Variants in ARHGAP6 observed in about 807,000 individuals in gnomAD.
ARHGAP6 encodes the protein rho GTPase-activating protein 6.
Under a neutral mutation model 55.7 loss-of-function variants are expected in ARHGAP6, and 16 were observed. The ratio of observed to expected loss-of-function variants is 0.29; its 90% CI spans 0.19 to 0.44. The LOEUF (loss-of-function observed/expected upper bound fraction) is 0.44, where lower values mean the gene tolerates loss of function less well. Ranked by LOEUF, ARHGAP6 falls within the 20% of genes least tolerant of loss-of-function variation. The probability of loss-of-function intolerance (pLI) is 1.00; values close to 1 mark genes in which losing one functional copy is unlikely to be tolerated. For synonymous variants in ARHGAP6, 382 were observed against 360.9 expected (o/e 1.06, Z -0.66); for missense variants, 698 against 808.9 (o/e 0.86, Z 1.66).
chrX:11,596,478 C>T (rs188338527), intron 1 of ARHGAP6, among the ~76,000 whole-genome samples: 15 of 110,935 alleles, frequency 1.4e-4, no homozygotes, highest in East Asian at 2.8e-4. Context: ...ATGTAGGTGA[C>T]GGGTTGATGG....
intron 1 of ARHGAP6, among the ~76,000 whole-genome samples, chrX:11,515,820 A>C (rs928631528): frequency 1.8e-5 from 2 of 112,467 alleles, no homozygotes; most frequent in African/African-American, 6.5e-5. Context: ...TTATCTCAAA[A>C]CCTCACATGA....
At chrX:11,185,556 T>C (rs746352693) in intron 5 of ARHGAP6, among the ~76,000 whole-genome samples, 136 of 112,118 alleles carry the variant, frequency 1.2e-3, no homozygotes, top group Non-Finnish European at 2.1e-3. Flanking sequence ...GCTTTTCCCA[T>C]GTATATAAAA....
intron 1 of ARHGAP6, among the ~76,000 whole-genome samples, chrX:11,428,655 C>A (rs2049913969): frequency 9.0e-6 from 1 of 111,313 alleles, no homozygotes. Flanking sequence ...TTGTCAGGGT[C>A]CCACTGTACT....
rs551414389 is a variant in ARHGAP6, at chrX:11,254,779, C to T, written c.589-72G>A. On this transcript the variant is annotated intron_variant, in intron 1 of 12. Coordinates refer to ENST00000337414, the MANE Select transcript of ARHGAP6 (RefSeq NM_013427.3). The stretch of plus-strand genomic sequence containing the variant: ...TTCACTTACCTCTCACAAATCTCAT[C>T]CTCTCTTAGTAATAAAGTCAAGCAA... 2.9e-6 allele frequency: 3 copies of T among 1,028,827 alleles called. No individual in the cohort carries two copies. In the South Asian group the frequency reaches 1.0e-4, roughly 36 times the overall value. 84.8% of individuals were successfully genotyped at this position (1,028,827 alleles called of 1,213,427 possible).
In ARHGAP6 at chrX:11,596,430, G is replaced by A. The variant is rs1259450337; in HGVS notation, c.588+67811C>T. 2.7e-5 allele frequency among the ~76,000 whole-genome samples: 3 copies of A among 110,962 alleles called. No individual in the cohort carries two copies. The Admixed American group carries it at 2.9e-4, about 11-fold the overall frequency. ...CACACCAAGACCTGTCAGTGGGTTG[G>A]GGGAGTAGGGGAGGGATAACATTAG... is the stretch of plus-strand genomic sequence containing the variant. On this transcript the variant is annotated intron_variant, in intron 1 of 12. Coordinates refer to ENST00000337414, the MANE Select transcript of ARHGAP6 (RefSeq NM_013427.3).
chrX:11,597,620 T>C (rs2051917530), intron 1 of ARHGAP6, among the ~76,000 whole-genome samples: 1 of 112,054 alleles, frequency 8.9e-6, no homozygotes, highest in Non-Finnish European at 1.9e-5. Flanking sequence ...ACTGTTAATA[T>C]AAAAAGCAAA....
intron 1 of ARHGAP6, among the ~76,000 whole-genome samples, chrX:11,369,752 C>T (rs773092308): frequency 2.7e-5 from 3 of 112,192 alleles, no homozygotes; most frequent in South Asian, 7.4e-4. Flanking sequence ...TTGAATTCCT[C>T]CCCCGTTTTC....
At chrX:11,396,983 A>T (rs1439848090) in intron 1 of ARHGAP6, among the ~76,000 whole-genome samples, 2 of 111,523 alleles carry the variant, frequency 1.8e-5, no homozygotes, top group Non-Finnish European at 3.8e-5. Flanking sequence ...CCTAAATGGG[A>T]TCCATCTTTG....
At chrX:11,251,896 T>G (rs937347268) in intron 2 of ARHGAP6, among the ~76,000 whole-genome samples, 8 of 112,114 alleles carry the variant, frequency 7.1e-5, no homozygotes, top group Non-Finnish European at 7.5e-5. Context: ...GAAACCCTCA[T>G]GCGATGCCTG....
At chrX:11,560,434 G>A (rs1398103185) in intron 1 of ARHGAP6, among the ~76,000 whole-genome samples, 1 of 112,494 alleles carries the variant, frequency 8.9e-6, no homozygotes, top group African/African-American at 3.2e-5. Context: ...ACTTTCATGT[G>A]TTCTCTAGAA....
intron 2 of ARHGAP6, among the ~76,000 whole-genome samples, chrX:11,207,475 A>T (rs1183351299): frequency 1.8e-5 from 2 of 112,390 alleles, no homozygotes; most frequent in Non-Finnish European, 3.8e-5. Flanking sequence ...AATGGCTGAA[A>T]CAAATTGAGT....
chrX:11,589,813 C>G (rs1191773855), intron 1 of ARHGAP6, among the ~76,000 whole-genome samples: 1 of 111,872 alleles, frequency 8.9e-6, no homozygotes, highest in Non-Finnish European at 1.9e-5. Context: ...CTTCTACCCA[C>G]ACTTCCCCAG....
chrX:11,489,754 A>G (rs750427770), intron 1 of ARHGAP6, among the ~76,000 whole-genome samples: 2 of 112,012 alleles, frequency 1.8e-5, no homozygotes, highest in South Asian at 7.6e-4. Flanking sequence ...GGTATTCAAC[A>G]TAACAGCATC....
chrX:11,491,596 C>A (rs2050569193), intron 1 of ARHGAP6, among the ~76,000 whole-genome samples: 1 of 111,995 alleles, frequency 8.9e-6, no homozygotes, highest in South Asian at 3.7e-4. Context: ...GCCACATTTT[C>A]TTAATCCAGT....
At chrX:11,602,166 T>C (rs1303616302) in intron 1 of ARHGAP6, among the ~76,000 whole-genome samples, 1 of 111,626 alleles carries the variant, frequency 9.0e-6, no homozygotes, top group Non-Finnish European at 1.9e-5. Context: ...ATTTTGATGC[T>C]TCATAAATAT....
intron 1 of ARHGAP6, among the ~76,000 whole-genome samples, chrX:11,305,888 G>T (rs140729523): frequency 0.043 from 4,775 of 111,780 alleles, 249 homozygotes; most frequent in African/African-American, 0.15. Context: ...ATAAAGCAGT[G>T]TATTGTAAGG....
chrX:11,335,639 G>A (rs2048625693), intron 1 of ARHGAP6: 1 of 278,551 alleles, frequency 3.6e-6, no homozygotes, highest in Non-Finnish European at 6.7e-6. Context: ...CATCTGGGTT[G>A]GTTCCAAGTC....
intron 1 of ARHGAP6, among the ~76,000 whole-genome samples, chrX:11,349,598 C>T (rs1603112069): frequency 9.0e-6 from 1 of 111,653 alleles, no homozygotes; most frequent in East Asian, 2.8e-4. Flanking sequence ...ATAAAATAGA[C>T]ATTTCAAAGT....
chrX:11,148,704 A>G (rs748652250), intron 10 of ARHGAP6: 1 of 374,640 alleles, frequency 2.7e-6, no homozygotes, highest in Non-Finnish European at 5.2e-6. Context: ...CTGCAGCCGG[A>G]AGCACAGAAC....
Sources: gnomAD v4.1 joint callset for allele counts (sites outside exome capture counted in the v4.1 genomes callset) on GRCh38, gnomAD v4.1.1 for gene constraint, MANE v1.5 for transcripts, NCBI Gene and HGNC (gene_info 2026-07-23, HGNC 2026-07-21) for gene names.